Variants in SYNE2 observed in about 807,000 individuals in gnomAD.
The protein encoded by SYNE2 is spectrin repeat containing nuclear envelope protein 2, also known as nesprin-2.
A neutral mutation model predicts 856.3 loss-of-function variants in SYNE2; 431 were observed. The ratio of observed to expected loss-of-function variants is 0.50; its 90% CI spans 0.47 to 0.55. SYNE2 has a LOEUF of 0.55. SYNE2 is among the 20% of genes least tolerant of loss of function. The pLI is 0.00. For synonymous variants in SYNE2, 2,923 were observed against 2,872.3 expected (o/e 1.02, Z -0.56); for missense variants, 8,129 against 8,023.2 (o/e 1.01, Z -0.50).
intron 8 of SYNE2, among the ~76,000 whole-genome samples, chr14:63,959,109 A>G (rs980487379): frequency 2.6e-5 from 4 of 152,090 alleles, no homozygotes; most frequent in African/African-American, 9.7e-5. Context: ...TTATTGGAGA[A>G]TGGTATTAGA....
intron 1 of SYNE2, among the ~76,000 whole-genome samples, chr14:63,829,511 C>T (rs1889589429): frequency 6.6e-6 from 1 of 152,140 alleles, no homozygotes; most frequent in Admixed American, 6.6e-5. Context: ...AATTCCACTC[C>T]TAGATACACA....
chr14:64,188,420 G>A (rs1216926115), intron 97 of SYNE2, 130 bp from the exon 98 acceptor site: 4 of 1,004,826 alleles, frequency 4.0e-6, no homozygotes, highest in East Asian at 2.5e-5. Context: ...TTTAGAAGAG[G>A]CAAAACCAGA....
chr14:63,937,484 G>T (rs2095848156), intron 2 of SYNE2, among the ~76,000 whole-genome samples: 1 of 152,228 alleles, frequency 6.6e-6, no homozygotes, highest in Admixed American at 6.5e-5. Context: ...AGCAAGGCTA[G>T]TTCATCTGTG....
intron 57 of SYNE2, among the ~76,000 whole-genome samples, chr14:64,082,921 C>T (rs10129174): frequency 0.072 from 10,887 of 152,176 alleles, 621 homozygotes; most frequent in African/African-American, 0.16. Flanking sequence ...CCACTTGAGG[C>T]CTCGGCTGCA....
chr14:63,903,114 C>G (rs1047144541), intron 1 of SYNE2, among the ~76,000 whole-genome samples: 1 of 152,136 alleles, frequency 6.6e-6, no homozygotes, highest in Non-Finnish European at 1.5e-5. Flanking sequence ...AAATTCCTCC[C>G]TAGAAATGTC....
intron 99 of SYNE2, among the ~76,000 whole-genome samples, chr14:64,200,539 G>T (rs2098557464): frequency 6.6e-6 from 1 of 152,206 alleles, no homozygotes; most frequent in African/African-American, 2.4e-5. Flanking sequence ...GGTGAGGAGG[G>T]TGTACCTCTG....
intron 11 of SYNE2, among the ~76,000 whole-genome samples, chr14:63,969,334 A>C (rs2096442841): frequency 2.3e-5 from 2 of 88,162 alleles, no homozygotes; most frequent in African/African-American, 4.7e-5. Context: ...ATGCCTGGCT[A>C]ATTTTTTTTT....
chr14:63,959,287 C>CTTTTTTTTTTTTTTTTTTTT (rs34198434), intron 8 of SYNE2, among the ~76,000 whole-genome samples: 1 of 81,382 alleles, frequency 1.2e-5, no homozygotes. Context: ...TTTTCTTCTT[C>CTTTTTTTTTTTTTTTTTTTT]TTTTTTTTTT....
chr14:63,973,754 C>T (rs2096502236), intron 11 of SYNE2, among the ~76,000 whole-genome samples: 2 of 151,824 alleles, frequency 1.3e-5, no homozygotes, highest in Non-Finnish European at 2.9e-5. Flanking sequence ...CTAATGCTTT[C>T]ATTTTATGCA....
chr14:64,211,402 T>C (rs1222392807), intron 103 of SYNE2, among the ~76,000 whole-genome samples: 1 of 152,180 alleles, frequency 6.6e-6, no homozygotes, highest in African/African-American at 2.4e-5. Context: ...GCATCCTTAA[T>C]TGGAGATGAT....
chr14:63,918,333 A>G (rs747075541), intron 2 of SYNE2, among the ~76,000 whole-genome samples: 10 of 152,220 alleles, frequency 6.6e-5, no homozygotes, highest in African/African-American at 2.4e-4. Flanking sequence ...TAATTTCAAC[A>G]TTGGTGATTA....
intron 2 of SYNE2, among the ~76,000 whole-genome samples, chr14:63,931,549 CAAAAAAAA>C (rs564187169): frequency 1.1e-5 from 1 of 88,780 alleles, no homozygotes; most frequent in South Asian, 3.5e-4. Flanking sequence ...GACTCTGTCT[CAAAAAAAA>C]AAAAAAAGAA....
At chr14:63,976,496 T>C in intron 11 of SYNE2, 67 bp from the exon 12 acceptor site, 1 of 1,516,478 alleles carries the variant, frequency 6.6e-7, no homozygotes, top group Admixed American at 1.7e-5. Flanking sequence ...AAACATACTG[T>C]ATGTGAAGAA....
rs2097858801 is a variant in SYNE2 at position 64,117,110 on chromosome 14, G to A, written c.12841-2317G>A. Among the ~76,000 whole-genome samples, 4 of 152,154 alleles carry A rather than the reference G, an allele frequency of 2.6e-5. No homozygotes were observed. In the South Asian group the frequency reaches 8.3e-4, roughly 32 times the overall value. ...GAAACCGTGGATAGTACCAAACTCT[G>A]TGTGTATTATGTTTTTTCGATCTGA... is the stretch of plus-strand genomic sequence containing the variant. On this transcript the variant is annotated intron_variant, in intron 66 of 115. Transcript: ENST00000555002.
rs1016222150 is a variant in SYNE2 at position 63,876,877 on chromosome 14, G to A, written c.-52+23734G>A. On this transcript the variant is annotated intron_variant, in intron 1 of 115. Coordinates refer to ENST00000555002, the MANE Select transcript of SYNE2 (RefSeq NM_182914.3). The stretch of plus-strand genomic sequence containing the variant: ...GTTCAGAGCCTCCCAGTGAGTCAGG[G>A]AACAAATAAGACAGATCAGAAACCA... 5.3e-5 allele frequency among the ~76,000 whole-genome samples: 8 copies of A among 152,218 alleles called. No homozygotes were observed. In the South Asian group the frequency reaches 1.7e-3, roughly 32 times the overall value.
chr14:64,046,488 G>A (rs2097187274), intron 45 of SYNE2, among the ~76,000 whole-genome samples: 1 of 152,168 alleles, frequency 6.6e-6, no homozygotes, highest in Non-Finnish European at 1.5e-5. Context: ...GAGTAGCTGG[G>A]ACTACAGATG....
chr14:64,174,051 A>G, intron 94 of SYNE2: 1 of 588,378 alleles, frequency 1.7e-6, no homozygotes, highest in Non-Finnish European at 3.0e-6. Flanking sequence ...AAAAATAAAC[A>G]AGACCTTGTC....
intron 1 of SYNE2, among the ~76,000 whole-genome samples, chr14:63,842,990 G>A (rs1315791549): frequency 4.6e-5 from 7 of 151,810 alleles, no homozygotes; most frequent in African/African-American, 7.3e-5. Flanking sequence ...CTTCTATCTT[G>A]TTGTTTGATA....
intron 53 of SYNE2, among the ~76,000 whole-genome samples, chr14:64,075,147 A>G (rs1253478568): frequency 1.3e-5 from 2 of 152,232 alleles, no homozygotes; most frequent in African/African-American, 4.8e-5. Context: ...GTCATTTAAA[A>G]TTGTAATCAT....
Sources: gnomAD v4.1 joint callset for allele counts (sites outside exome capture counted in the v4.1 genomes callset) on GRCh38, gnomAD v4.1.1 for gene constraint, MANE v1.5 for transcripts, NCBI Gene and HGNC (gene_info 2026-07-23, HGNC 2026-07-21) for gene names.